The following RORB variants were observed in gnomAD, a reference collection of about 807,000 sequenced individuals.
RORB encodes nuclear receptor ROR-beta.
In RORB, 6 loss-of-function variants were observed where a neutral mutation model predicts 59.1. That is an observed-to-expected ratio of 0.10 (90% CI 0.06 to 0.20). The LOEUF (loss-of-function observed/expected upper bound fraction) is 0.20. Among genes scored for constraint, RORB ranks in the 10% least tolerant of loss-of-function variants. RORB has a pLI of 1.00. For synonymous variants in RORB, 215 were observed against 204.5 expected (o/e 1.05, Z -0.44); for missense variants, 320 against 560.5 (o/e 0.57, Z 4.33).
chr9:74,668,650 ATT>A (rs1317459972), intron 8 of RORB, among the ~76,000 whole-genome samples: 1 of 152,220 alleles, frequency 6.6e-6, no homozygotes, highest in Non-Finnish European at 1.5e-5. Context: ...TACTAAGAAA[ATT>A]ATAAGCAAGA....
chr9:74,514,728 A>G (rs1825984826), intron 1 of RORB, among the ~76,000 whole-genome samples: 1 of 150,304 alleles, frequency 6.7e-6, no homozygotes. Flanking sequence ...GAATAAGACA[A>G]TTGTAAACCT....
intron 4 of RORB, among the ~76,000 whole-genome samples, chr9:74,657,394 A>G (rs1824101792): frequency 6.6e-6 from 1 of 152,088 alleles, no homozygotes; most frequent in Admixed American, 6.6e-5. Flanking sequence ...CCTCACTTCT[A>G]TCCTCAGTAA....
chr9:74,680,909 A>C (rs529984382), intron 9 of RORB, among the ~76,000 whole-genome samples: 1 of 152,206 alleles, frequency 6.6e-6, no homozygotes, highest in South Asian at 2.1e-4. Context: ...CAGTTATAAA[A>C]TTGTGAATTT....
Position 74,497,923 on chromosome 9 carries a change from G to T in RORB, c.-54G>T, listed in dbSNP as rs886895519. 27 of 1,605,470 alleles carry T rather than the reference G, an allele frequency of 1.7e-5. No homozygotes were observed. The African/African-American group carries it at 3.5e-4, about 21-fold the overall frequency. On this transcript the variant is annotated 5_prime_UTR_variant, in exon 1 of 10. Coordinates refer to ENST00000376896, the MANE Select transcript of RORB (RefSeq NM_006914.4). Reference sequence around the variant, plus strand: ...TGAGCGGGATTTTTGGGCTCTCCGGGGTTCGGGCTGGGAGCAGCTTCATGA... The same window carrying T: ...TGAGCGGGATTTTTGGGCTCTCCGGTGTTCGGGCTGGGAGCAGCTTCATGA...
At chr9:74,541,979 C>A (rs1826413660) in intron 1 of RORB, among the ~76,000 whole-genome samples, 1 of 152,020 alleles carries the variant, frequency 6.6e-6, no homozygotes, top group Non-Finnish European at 1.5e-5. Flanking sequence ...TTTATACTAC[C>A]TATGTGGGCG....
chr9:74,620,458 A>C (rs1587388936), intron 1 of RORB, among the ~76,000 whole-genome samples: 1 of 150,578 alleles, frequency 6.6e-6, no homozygotes, highest in East Asian at 1.9e-4. Context: ...TCTTGCTAGC[A>C]GTCTATCGAT....
At chr9:74,613,756 C>T (rs1164349818) in intron 1 of RORB, among the ~76,000 whole-genome samples, 1 of 152,112 alleles carries the variant, frequency 6.6e-6, no homozygotes, top group Non-Finnish European at 1.5e-5. Context: ...AAAAGCAGTT[C>T]TACTACAATG....
chr9:74,520,283 T>C (rs1467267361), intron 1 of RORB, among the ~76,000 whole-genome samples: 1 of 151,956 alleles, frequency 6.6e-6, no homozygotes, highest in Non-Finnish European at 1.5e-5. Context: ...CACACAAATA[T>C]AAAGTTGTTA....
intron 6 of RORB, among the ~76,000 whole-genome samples, chr9:74,662,928 GC>G (rs1198558595): frequency 6.6e-6 from 1 of 151,454 alleles, no homozygotes; most frequent in Non-Finnish European, 1.5e-5. Context: ...CGTACTCCTT[GC>G]CTTCTGTGAA....
chr9:74,554,971 G>GC (rs1170736423), intron 1 of RORB, among the ~76,000 whole-genome samples: 3 of 152,088 alleles, frequency 2.0e-5, no homozygotes, highest in African/African-American at 7.2e-5. Context: ...GAAGAGGAGA[G>GC]CAAAAAAAAG....
intron 4 of RORB, among the ~76,000 whole-genome samples, chr9:74,643,112 G>A (rs1250591234): frequency 1.3e-5 from 2 of 152,110 alleles, no homozygotes; most frequent in African/African-American, 4.8e-5. Context: ...AAATGTTATT[G>A]GTATAAACAG....
At chr9:74,657,693 T>C (rs201989708) in intron 4 of RORB, among the ~76,000 whole-genome samples, 1 of 152,260 alleles carries the variant, frequency 6.6e-6, no homozygotes, top group East Asian at 1.9e-4. Flanking sequence ...GAAATTATAT[T>C]ATTGTAAGAT....
At chr9:74,621,547 A>C (rs1823419858) in intron 1 of RORB, among the ~76,000 whole-genome samples, 4 of 152,226 alleles carry the variant, frequency 2.6e-5, no homozygotes, top group Non-Finnish European at 4.4e-5. Flanking sequence ...GTTGCCATAA[A>C]TATTTGTGTG....
chr9:74,602,735 C>A (rs1008883893), intron 1 of RORB, among the ~76,000 whole-genome samples: 1 of 152,294 alleles, frequency 6.6e-6, no homozygotes, highest in Non-Finnish European at 1.5e-5. Flanking sequence ...TATTTAATGC[C>A]TTTTCTCCTG....
At chr9:74,682,433 TA>T (rs542616560) in intron 9 of RORB, among the ~76,000 whole-genome samples, 358 of 139,872 alleles carry the variant, frequency 2.6e-3, no homozygotes, top group East Asian at 8.1e-3. Flanking sequence ...TAAAGTATAA[TA>T]AAAAAAAAAA....
chr9:74,548,331 A>G (rs1826536056), intron 1 of RORB, among the ~76,000 whole-genome samples: 1 of 152,102 alleles, frequency 6.6e-6, no homozygotes, highest in South Asian at 2.1e-4. Flanking sequence ...GTATTTTTTT[A>G]TATTTGGAAA....
At chr9:74,507,272 T>C (rs1434874405) in intron 1 of RORB, among the ~76,000 whole-genome samples, 2 of 152,092 alleles carry the variant, frequency 1.3e-5, no homozygotes, top group Non-Finnish European at 2.9e-5. Flanking sequence ...TAAATATGCA[T>C]CATACTTAGT....
At chr9:74,616,293 G>A (rs1284614403) in intron 1 of RORB, among the ~76,000 whole-genome samples, 1 of 152,084 alleles carries the variant, frequency 6.6e-6, no homozygotes. Context: ...AGATAGCAAT[G>A]CACAACAGTT....
intron 9 of RORB, among the ~76,000 whole-genome samples, chr9:74,675,724 G>A (rs952105000): frequency 1.3e-5 from 2 of 152,180 alleles, no homozygotes; most frequent in Admixed American, 1.3e-4. Context: ...GGGTTCAGAG[G>A]TCAGCGTGCC....
Sources: gnomAD v4.1 joint callset for allele counts (sites outside exome capture counted in the v4.1 genomes callset) on GRCh38, gnomAD v4.1.1 for gene constraint, MANE v1.5 for transcripts, NCBI Gene and HGNC (gene_info 2026-07-23, HGNC 2026-07-21) for gene names.